VPS36: variants seen among roughly 807,000 people sequenced by gnomAD.
VPS36 encodes the protein vacuolar protein sorting 36 homolog.
A neutral mutation model predicts 63.5 loss-of-function variants in VPS36; 31 were observed. The ratio of observed to expected loss-of-function variants is 0.49; its 90% CI spans 0.37 to 0.66. VPS36 has a LOEUF of 0.66. VPS36 is among the 30% of genes least tolerant of loss of function. The probability of loss-of-function intolerance (pLI) is 0.00; values close to 1 mark genes in which losing one functional copy is unlikely to be tolerated. For missense variants in VPS36, 338 were observed against 463.7 expected, an observed-to-expected ratio of 0.73 and a Z score of 2.49; for synonymous variants, 138 against 157.2, an observed-to-expected ratio of 0.88 and a Z score of 0.91.
intron 10 of VPS36, among the ~76,000 whole-genome samples, chr13:52,420,548 G>A (rs574664277): frequency 6.6e-6 from 1 of 151,748 alleles, no homozygotes; most frequent in Non-Finnish European, 1.5e-5. Context: ...GGCCAGGGTG[G>A]TCTCGAACTT....
At chr13:52,440,663 T>G (rs1054632612) in intron 2 of VPS36, among the ~76,000 whole-genome samples, 2 of 152,204 alleles carry the variant, frequency 1.3e-5, no homozygotes, top group African/African-American at 4.8e-5. Flanking sequence ...AGTCTAAAAT[T>G]TGTCCAAATT....
chr13:52,425,003 G>T (rs1256288895), intron 9 of VPS36, among the ~76,000 whole-genome samples: 1 of 144,926 alleles, frequency 6.9e-6, no homozygotes, highest in East Asian at 2.1e-4. Context: ...AAAAAAAAAA[G>T]AAAATGTAGC....
intron 10 of VPS36, among the ~76,000 whole-genome samples, chr13:52,418,472 G>A (rs1958014403): frequency 6.6e-6 from 1 of 150,930 alleles, no homozygotes; most frequent in Non-Finnish European, 1.5e-5. Context: ...CTACTCGAGA[G>A]GCTAAGGCAG....
chr13:52,440,921 T>G (rs1455657271), intron 2 of VPS36, among the ~76,000 whole-genome samples: 1 of 152,172 alleles, frequency 6.6e-6, no homozygotes, highest in African/African-American at 2.4e-5. Context: ...CTGTTCCACT[T>G]CAGACCATCA....
chr13:52,444,479 T>C (rs1958315900), intron 1 of VPS36, among the ~76,000 whole-genome samples: 1 of 147,550 alleles, frequency 6.8e-6, no homozygotes, highest in African/African-American at 2.5e-5. Flanking sequence ...TATATATACA[T>C]TTTTATATAA....
At chr13:52,418,139 A>G in intron 10 of VPS36, 83 bp from the exon 11 acceptor site, 1 of 1,249,522 alleles carries the variant, frequency 8.0e-7, no homozygotes, top group East Asian at 2.6e-5. Flanking sequence ...ATTACCATTT[A>G]TCAATAATTT....
chr13:52,421,964 T>G (rs1222934944), intron 10 of VPS36, among the ~76,000 whole-genome samples: 1 of 152,214 alleles, frequency 6.6e-6, no homozygotes, highest in Non-Finnish European at 1.5e-5. Context: ...ATTTATCATG[T>G]CTATGTTTTA....
intron 6 of VPS36, among the ~76,000 whole-genome samples, chr13:52,430,893 C>CA (rs200363528): frequency 0.019 from 2,668 of 138,270 alleles, 34 homozygotes; most frequent in African/African-American, 0.032. Flanking sequence ...CATGCCAGAC[C>CA]AAAAAAAAAA....
intron 8 of VPS36, among the ~76,000 whole-genome samples, 185 bp downstream of exon 8, chr13:52,426,804 G>A (rs1184278299): frequency 6.6e-6 from 1 of 152,142 alleles, no homozygotes; most frequent in Non-Finnish European, 1.5e-5. Flanking sequence ...GCAGTGAGCC[G>A]AGATCGTGCC....
intron 6 of VPS36, among the ~76,000 whole-genome samples, chr13:52,432,973 C>T (rs1958175282): frequency 1.3e-5 from 2 of 152,104 alleles, no homozygotes; most frequent in African/African-American, 2.4e-5. Flanking sequence ...TTATGAATTA[C>T]TATAAAAACC....
chr13:52,440,615 G>C (rs1442752919), intron 2 of VPS36, among the ~76,000 whole-genome samples: 1 of 152,158 alleles, frequency 6.6e-6, no homozygotes, highest in Admixed American at 6.5e-5. Context: ...TATATAAACA[G>C]TTATGTTTAA....
At chr13:52,424,784 G>T (rs1004099763) in intron 9 of VPS36, among the ~76,000 whole-genome samples, 9 of 152,148 alleles carry the variant, frequency 5.9e-5, no homozygotes, top group African/African-American at 2.4e-5. Context: ...TCAGGAGTTC[G>T]AGACTAGCCT....
chr13:52,425,046 G>A (rs1200459975), intron 9 of VPS36, among the ~76,000 whole-genome samples: 4 of 151,236 alleles, frequency 2.6e-5, no homozygotes, highest in Admixed American at 2.6e-4. Context: ...GGATCATGAG[G>A]TCAGGAGATT....
In VPS36 at chr13:52,416,072, T is replaced by C; in HGVS notation, c.1012A>G (p.Thr338Ala). 1 of 1,613,506 alleles carries C rather than the reference T, an allele frequency of 6.2e-7. No individual in the cohort carries two copies. Among genetic ancestry groups the C allele is most frequent in the Non-Finnish European group, 8.5e-7 (1 of 1,179,822 alleles). Reference sequence around the variant, plus strand: ...ACAAGCTTAGCAAACTCTTCTGATGTTAGGGATCCCTTTTCTGAAACCTAA... The same window carrying C: ...ACAAGCTTAGCAAACTCTTCTGATGCTAGGGATCCCTTTTCTGAAACCTAA... ...LETVSEKGSL[T>A]SEEFAKLVGM... The change falls in exon 13 of 14, where the codon ACA becomes GCA. Residue 338 changes from threonine (T) to alanine (A), a missense_variant. Coordinates refer to ENST00000378060, the MANE Select transcript of VPS36 (RefSeq NM_016075.4).
chr13:52,417,961 G>T (rs1463947607), intron 11 of VPS36, 31 bp downstream of exon 11: 4 of 1,603,856 alleles, frequency 2.5e-6, no homozygotes, highest in Admixed American at 3.4e-5. Flanking sequence ...CATGGTTGCA[G>T]GTGGCAAACT....
chr13:52,436,321 T>C lies in VPS36; in HGVS notation c.320A>G (p.Lys107Arg). 6.2e-7 allele frequency: 1 copy of C among 1,612,688 alleles called. No homozygotes were observed. Among genetic ancestry groups the C allele is most frequent in the Non-Finnish European group, 8.5e-7 (1 of 1,179,550 alleles). The change falls in exon 4 of 14, where the codon AAA (lysine) becomes AGA (arginine). Residue 107 changes from lysine (K) to arginine (R), a missense_variant. Coordinates refer to ENST00000378060, the MANE Select transcript of VPS36 (RefSeq NM_016075.4). ...PFQSSKNSYI[K>R]LSFKEHGQIE... ...CTGGCCATGTTCTTTGAAGGAGAGT[T>C]TGATGTAGGAGTTCTTACTACTCTG... is the stretch of plus-strand genomic sequence containing the variant.
chr13:52,433,162 G>C (rs576611786), intron 6 of VPS36, among the ~76,000 whole-genome samples: 1 of 152,166 alleles, frequency 6.6e-6, no homozygotes, highest in Non-Finnish European at 1.5e-5. Context: ...TGAAGCCTCA[G>C]AAACACTGGA....
intron 2 of VPS36, among the ~76,000 whole-genome samples, chr13:52,439,454 AT>A (rs71088025): frequency 7.3e-5 from 11 of 150,358 alleles, no homozygotes; most frequent in African/African-American, 9.8e-5. Context: ...TTTTTAATTT[AT>A]TTTTTTTTGA....
At position 52,426,005 on chromosome 13, in the gene VPS36, G is replaced by C; in HGVS notation, c.701C>G (p.Thr234Ser). The change falls in exon 9 of 14, where the codon ACC (threonine) becomes AGC (serine). Residue 234 changes from threonine to serine, a missense_variant. By Grantham distance (58) the Thr-to-Ser change is moderately conservative. Transcript: ENST00000378060. ...MGIANPVTRE[T>S]YGSGTQYHMQ... ...GTGGTACTGTGTGCCTGAGCCGTAG[G>C]TTTCTCTGGTAACTGGGTTAGCTAT... 5 of 1,614,162 alleles carry C rather than the reference G, an allele frequency of 3.1e-6. No individual in the cohort carries two copies. The highest frequency in any genetic ancestry group is 3.4e-6 in the Non-Finnish European group (4 of 1,180,022).
Sources: allele counts gnomAD v4.1 joint callset (sites outside exome capture counted in the v4.1 genomes callset), GRCh38; gene constraint gnomAD v4.1.1; transcripts MANE v1.5; gene names NCBI Gene and HGNC (gene_info 2026-07-23, HGNC 2026-07-21).